Variants in GSG1L observed in about 807,000 individuals in gnomAD.
The protein encoded by GSG1L is germ cell-specific gene 1-like protein.
Under a neutral mutation model 42.1 loss-of-function variants are expected in GSG1L, and 24 were observed. The observed-to-expected ratio is 0.57, with a 90% CI of 0.41 to 0.80. GSG1L has a LOEUF of 0.80. GSG1L is among the 30% of genes least tolerant of loss of function. GSG1L has a pLI of 0.00. For missense variants in GSG1L, 445 were observed against 472.2 expected (o/e 0.94, Z 0.53); for synonymous variants, 215 against 203.5 (o/e 1.06, Z -0.48).
intron 1 of GSG1L, among the ~76,000 whole-genome samples, chr16:28,028,005 C>T (rs114443040): frequency 1.3e-5 from 2 of 152,296 alleles, no homozygotes; most frequent in African/African-American, 4.8e-5. Flanking sequence ...CCTAAGGCCT[C>T]AGCAGCAGCA....
At chr16:27,959,584 G>C (rs2085045661) in intron 2 of GSG1L, among the ~76,000 whole-genome samples, 1 of 151,684 alleles carries the variant, frequency 6.6e-6, no homozygotes, top group Non-Finnish European at 1.5e-5. Flanking sequence ...GGGCAAAAGG[G>C]AGGACGGGAG....
At chr16:27,822,324 T>C (rs968055566) in intron 5 of GSG1L, among the ~76,000 whole-genome samples, 9 of 152,192 alleles carry the variant, frequency 5.9e-5, no homozygotes, top group Admixed American at 3.3e-4. Flanking sequence ...AAGGGCTGAA[T>C]GCATGAAGTC....
chr16:27,824,479 G>A (rs1428540973), intron 5 of GSG1L, among the ~76,000 whole-genome samples: 2 of 151,180 alleles, frequency 1.3e-5, no homozygotes, highest in Non-Finnish European at 2.9e-5. Context: ...TGTCAGCCCT[G>A]CATCTGAGCC....
chr16:27,963,386 A>C (rs2085093066), intron 1 of GSG1L, among the ~76,000 whole-genome samples, 183 bp from the exon 2 acceptor site: 1 of 151,880 alleles, frequency 6.6e-6, no homozygotes, highest in Admixed American at 6.6e-5. Context: ...CGAAACTGCC[A>C]ATTCTCCCAC....
chr16:27,993,909 G>A (rs2085484266), intron 1 of GSG1L, among the ~76,000 whole-genome samples: 1 of 152,154 alleles, frequency 6.6e-6, no homozygotes, highest in East Asian at 1.9e-4. Flanking sequence ...TGCACTAAGA[G>A]GACAGGGCGA....
At position 27,842,838 on chromosome 16, in the gene GSG1L, C is replaced by G. The variant is rs186839753; in HGVS notation, c.662+2112G>C. On this transcript the variant is annotated intron_variant, in intron 4 of 6. Transcript: ENST00000447459. The stretch of plus-strand genomic sequence containing the variant: ...CCCTCCTGCTCCATTCTGAGATGCT[C>G]TCTCACCTCCAGGTCCTTGGACCTG... Among the ~76,000 whole-genome samples, 3 of 152,246 alleles carry G rather than the reference C, an allele frequency of 2.0e-5. No homozygotes were observed. The East Asian group carries it at 5.8e-4, about 29-fold the overall frequency.
chr16:27,877,332 C>T (rs910276299), intron 3 of GSG1L, among the ~76,000 whole-genome samples: 3 of 152,050 alleles, frequency 2.0e-5, no homozygotes, highest in African/African-American at 4.8e-5. Flanking sequence ...CTTTTGCCAT[C>T]GTAGACCTGT....
chr16:27,869,984 TC>T (rs2083794515), intron 3 of GSG1L, among the ~76,000 whole-genome samples: 1 of 147,216 alleles, frequency 6.8e-6, no homozygotes, highest in Non-Finnish European at 1.5e-5. Context: ...TCTCTCTGTC[TC>T]TGCCTCTGTC....
At chr16:27,877,742 C>T (rs923059317) in intron 3 of GSG1L, among the ~76,000 whole-genome samples, 1 of 152,210 alleles carries the variant, frequency 6.6e-6, no homozygotes, top group Non-Finnish European at 1.5e-5. Context: ...GAAAATTGCC[C>T]ACCTTTGATA....
chr16:28,054,256 C>A (rs559618429), intron 1 of GSG1L, among the ~76,000 whole-genome samples: 27 of 152,318 alleles, frequency 1.8e-4, no homozygotes, highest in African/African-American at 6.3e-4. Context: ...CCCTCCTCTA[C>A]CTCCATCACC....
At chr16:27,898,666 C>G (rs1222241506) in intron 2 of GSG1L, among the ~76,000 whole-genome samples, 1 of 132,138 alleles carries the variant, frequency 7.6e-6, no homozygotes, top group Non-Finnish European at 1.7e-5. Context: ...CTCTCTCTTC[C>G]TCCCTCTTTC....
At chr16:27,988,858 T>A (rs2085420092) in intron 1 of GSG1L, among the ~76,000 whole-genome samples, 1 of 151,020 alleles carries the variant, frequency 6.6e-6, no homozygotes, top group East Asian at 1.9e-4. Flanking sequence ...ATCAAGACCA[T>A]CCTGGCTAAC....
At position 27,822,300 on chromosome 16, in the gene GSG1L, T is replaced by C. The variant is rs369439884; in HGVS notation, c.830+6489A>G. On this transcript the variant is annotated intron_variant, in intron 5 of 6. Transcript: ENST00000447459. The stretch of plus-strand genomic sequence containing the variant: ...GTTAATTCCAACCCTGGTCTATTTC[T>C]TCAGGCGTTCCACAAGGGCTGAATG... Among the ~76,000 whole-genome samples the C allele has an allele frequency of 4.6e-5, 7 of 152,336 alleles. No individual in the cohort carries two copies. The East Asian group carries it at 9.6e-4, about 21-fold the overall frequency.
intron 1 of GSG1L, among the ~76,000 whole-genome samples, chr16:28,042,775 A>G (rs2086121442): frequency 6.6e-6 from 1 of 152,236 alleles, no homozygotes; most frequent in Non-Finnish European, 1.5e-5. Flanking sequence ...ACACACAATC[A>G]TTCACGAAAG....
At chr16:27,794,800 A>G (rs989781245) in intron 6 of GSG1L, among the ~76,000 whole-genome samples, 13 of 152,112 alleles carry the variant, frequency 8.5e-5, no homozygotes, top group African/African-American at 3.1e-4. Flanking sequence ...TCTTCGTTCC[A>G]TGATTCTGTT....
chr16:27,789,622 A>G lies in GSG1L; in HGVS notation c.*1748T>C, dbSNP rs1439323491. Reference sequence around the variant, plus strand: ...ATAGATGGAGGAATGGATAATGGATAAATAGCTAACGAATGGGTGGATGGA... The same window carrying G: ...ATAGATGGAGGAATGGATAATGGATGAATAGCTAACGAATGGGTGGATGGA... On this transcript the variant is annotated 3_prime_UTR_variant, in exon 7 of 7. Transcript: ENST00000447459. 6.6e-6 allele frequency: 1 copy of G among 151,882 alleles called. No individual in the cohort carries two copies. The highest frequency in any genetic ancestry group is 2.4e-5 in the African/African-American group (1 of 41,328). 9.4% of individuals were successfully genotyped at this position (151,882 alleles called of 1,614,324 possible).
chr16:28,020,191 C>A (rs537076581), intron 1 of GSG1L, among the ~76,000 whole-genome samples: 2 of 152,306 alleles, frequency 1.3e-5, no homozygotes, highest in Non-Finnish European at 2.9e-5. Context: ...TGGGCATTGG[C>A]GACTCAGTCC....
At chr16:28,043,610 A>ACACT (rs748120046) in intron 1 of GSG1L, among the ~76,000 whole-genome samples, 27 of 152,254 alleles carry the variant, frequency 1.8e-4, no homozygotes, top group Non-Finnish European at 2.9e-4. Flanking sequence ...GGAGAAAAGT[A>ACACT]CACTTAAAAT....
At chr16:27,936,485 G>A (rs547145322) in intron 2 of GSG1L, among the ~76,000 whole-genome samples, 2 of 152,248 alleles carry the variant, frequency 1.3e-5, no homozygotes, top group East Asian at 1.9e-4. Flanking sequence ...TCTTGCATGT[G>A]ACCTCTGCAC....
Sources: gnomAD v4.1 joint callset for allele counts (sites outside exome capture counted in the v4.1 genomes callset) on GRCh38, gnomAD v4.1.1 for gene constraint, MANE v1.5 for transcripts, NCBI Gene and HGNC (gene_info 2026-07-23, HGNC 2026-07-21) for gene names.